RAD54L2: variants seen among roughly 807,000 people sequenced by gnomAD.
The protein encoded by RAD54L2 is helicase ARIP4.
In RAD54L2, 27 loss-of-function variants were observed where a neutral mutation model predicts 138.4. The observed-to-expected ratio is 0.20, with a 90% CI of 0.14 to 0.27. RAD54L2 has a LOEUF of 0.27. Among genes scored for constraint, RAD54L2 ranks in the 10% least tolerant of loss-of-function variants. RAD54L2 has a pLI of 1.00. For synonymous variants in RAD54L2, 644 were observed against 723.2 expected (o/e 0.89, Z 1.76); for missense variants, 1,396 against 1,890.2 (o/e 0.74, Z 4.85).
chr3:51,587,514 A>T (rs1699735441), intron 2 of RAD54L2, among the ~76,000 whole-genome samples: 1 of 152,172 alleles, frequency 6.6e-6, no homozygotes, highest in African/African-American at 2.4e-5. Flanking sequence ...CTGTCCCTTA[A>T]TGCCCTTTGC....
In RAD54L2 at chr3:51,627,574, G is replaced by T; in HGVS notation, c.161G>T (p.Cys54Phe). The T allele has an allele frequency of 1.3e-6, 2 of 1,552,780 alleles. No individual in the cohort carries two copies. The highest frequency in any genetic ancestry group is 1.7e-6 in the Non-Finnish European group (2 of 1,148,138). ...TCAGACCCATCCCTGGAAGGCATGT[G>T]TGGCACTGAGCATGCCCAGTTGGGA... ...LLDDPSLEGM[C>F]GTEHAQLGED... Residue 54 changes from cysteine (C) to phenylalanine (F), a missense_variant, in exon 4 of 23, where the codon TGT (cysteine) becomes TTT (phenylalanine). Cys to Phe is a radical substitution (Grantham distance 205). Around this residue, in one of 7 missense-constraint regions of RAD54L2, gnomAD observed 256 missense variants for 344.6 expected, o/e 0.74. Transcript: ENST00000684192.
At chr3:51,653,850 G>T (rs892178000) in intron 19 of RAD54L2, among the ~76,000 whole-genome samples, 1 of 152,128 alleles carries the variant, frequency 6.6e-6, no homozygotes, top group Non-Finnish European at 1.5e-5. Context: ...GTTAATGGGT[G>T]CAGCATACCA....
intron 3 of RAD54L2, among the ~76,000 whole-genome samples, chr3:51,610,233 G>A (rs2106756477): frequency 6.6e-6 from 1 of 152,302 alleles, no homozygotes; most frequent in African/African-American, 2.4e-5. Context: ...AGCCCTTAGG[G>A]AAGGGTCACA....
intron 21 of RAD54L2, among the ~76,000 whole-genome samples, chr3:51,659,646 T>A (rs762674102): frequency 2.0e-5 from 3 of 152,194 alleles, no homozygotes; most frequent in African/African-American, 7.2e-5. Context: ...CCTGGGAACA[T>A]AGGATTCCAA....
At chr3:51,603,239 T>C (rs182549403) in intron 3 of RAD54L2, among the ~76,000 whole-genome samples, 1 of 150,492 alleles carries the variant, frequency 6.6e-6, no homozygotes, top group African/African-American at 2.4e-5. Flanking sequence ...AGCCAGGAGG[T>C]TGAGGCTGTA....
chr3:51,588,009 A>AC (rs1210634543), intron 2 of RAD54L2, among the ~76,000 whole-genome samples: 6 of 151,130 alleles, frequency 4.0e-5, no homozygotes, highest in Non-Finnish European at 2.9e-5. Context: ...ACACGGTGAG[A>AC]CCCCGTCTCT....
At chr3:51,592,781 G>A (rs1281042051) in intron 3 of RAD54L2, among the ~76,000 whole-genome samples, 1 of 151,908 alleles carries the variant, frequency 6.6e-6, no homozygotes, top group African/African-American at 2.4e-5. Context: ...CACCATTTTG[G>A]CCAGGCTGGT....
chr3:51,606,746 T>C (rs560566456), intron 3 of RAD54L2, among the ~76,000 whole-genome samples: 32 of 152,124 alleles, frequency 2.1e-4, no homozygotes, highest in African/African-American at 7.2e-4. Flanking sequence ...GCAGTGGTGT[T>C]ATCTTGGCTC....
intron 19 of RAD54L2, among the ~76,000 whole-genome samples, chr3:51,646,692 G>A (rs1325258281): frequency 6.6e-6 from 1 of 152,206 alleles, no homozygotes; most frequent in Non-Finnish European, 1.5e-5. Context: ...AAAGTGAGCT[G>A]CTGGCCCGTG....
intron 19 of RAD54L2, among the ~76,000 whole-genome samples, chr3:51,646,904 T>G (rs1440343442): frequency 1.3e-5 from 2 of 152,210 alleles, no homozygotes; most frequent in Non-Finnish European, 2.9e-5. Context: ...GATTCCATTC[T>G]GTGTCTGTGC....
chr3:51,662,662 C>G lies in RAD54L2; in HGVS notation c.3646C>G (p.Pro1216Ala), dbSNP rs774028832. ...PAQLMDSSAVPGTALGTEPRL... is the reference protein window; with the variant it reads ...PAQLMDSSAVAGTALGTEPRL... Reference sequence around the variant, plus strand: ...CCAACTTATGGACAGCAGTGCTGTTCCCGGGACAGCTCTCGGAACTGAGCC... The same window carrying G: ...CCAACTTATGGACAGCAGTGCTGTTGCCGGGACAGCTCTCGGAACTGAGCC... The change falls in exon 23 of 23, where the codon CCC (proline) becomes GCC (alanine). Residue 1216 changes from proline (P) to alanine (A), a missense_variant. This residue lies in a region of RAD54L2 where 634 missense variants were observed against 711.2 expected (regional missense o/e 0.89). Coordinates refer to ENST00000684192, the MANE Select transcript of RAD54L2 (RefSeq NM_015106.4). The surrounding 1 kb of genome is among the most constrained non-coding windows in gnomAD (Gnocchi z 4.6). 6 of 1,613,412 alleles carry G rather than the reference C, an allele frequency of 3.7e-6. No homozygotes were observed. The highest frequency in any genetic ancestry group is 1.1e-5 in the South Asian group (1 of 90,958).
intron 2 of RAD54L2, among the ~76,000 whole-genome samples, chr3:51,569,045 G>C (rs972981939): frequency 6.6e-6 from 1 of 152,096 alleles, no homozygotes; most frequent in Non-Finnish European, 1.5e-5. Flanking sequence ...AGACAGAGAA[G>C]TTCCAGCAGG....
Position 51,639,464 on chromosome 3 carries a change from A to T in RAD54L2, c.1906A>T (p.Ser636Cys), listed in dbSNP as rs1279661807. 6.2e-7 allele frequency: 1 copy of T among 1,613,756 alleles called. No homozygotes were observed. Among genetic ancestry groups the T allele is most frequent in the African/African-American group, 1.3e-5 (1 of 74,846 alleles). ...GCTGTATGAAGCCCTTCAGAAGGAG[A>T]GCTTGGCCAATGAGCAGGACCTAGA... The part of the protein sequence containing the change: ...DVLYEALQKE[S>C]LANEQDLDVE... The change falls in exon 13 of 23, where the codon AGC becomes TGC. Residue 636 changes from serine (S) to cysteine (C), a missense_variant. Ser to Cys is a moderately radical substitution (Grantham distance 112). This residue lies in a region of RAD54L2 where 211 missense variants were observed against 273.8 expected (regional missense o/e 0.77). Coordinates refer to ENST00000684192, the MANE Select transcript of RAD54L2 (RefSeq NM_015106.4).
intron 3 of RAD54L2, among the ~76,000 whole-genome samples, chr3:51,595,101 A>G (rs897929321): frequency 3.9e-5 from 6 of 151,918 alleles, no homozygotes; most frequent in African/African-American, 1.5e-4. Flanking sequence ...CATGAACTCA[A>G]TTAATCCACA....
At chr3:51,544,091 C>G (rs1257640408) in intron 2 of RAD54L2, among the ~76,000 whole-genome samples, 1 of 152,044 alleles carries the variant, frequency 6.6e-6, no homozygotes, top group African/African-American at 2.4e-5. Flanking sequence ...TTTCCCATAC[C>G]TAGTTTATTA....
rs1208016571 is a variant in RAD54L2, at chr3:51,553,342, C to G, written c.-55+11692C>G. 2.6e-5 allele frequency among the ~76,000 whole-genome samples: 4 copies of G among 152,232 alleles called. No individual in the cohort carries two copies. The South Asian group carries it at 8.3e-4, about 32-fold the overall frequency. On this transcript the variant is annotated intron_variant, in intron 2 of 22. Coordinates refer to ENST00000684192, the MANE Select transcript of RAD54L2 (RefSeq NM_015106.4). ...CCACCCGCCTCCGCCTCCCAAAGTG[C>G]TGGGATTACAGGCGTGAGCCACTGC...
chr3:51,609,555 T>C (rs1202146604), intron 3 of RAD54L2, among the ~76,000 whole-genome samples: 2 of 152,234 alleles, frequency 1.3e-5, no homozygotes, highest in African/African-American at 2.4e-5. Context: ...ATTCTTTAAT[T>C]TGTGATTTTG....
intron 3 of RAD54L2, among the ~76,000 whole-genome samples, chr3:51,605,048 G>A (rs1018218716): frequency 1.9e-4 from 28 of 150,334 alleles, no homozygotes; most frequent in Admixed American, 2.6e-4. Flanking sequence ...TCAGCCTCCC[G>A]AGAAGCTGGG....
Position 51,643,875 on chromosome 3 carries a change from G to T in RAD54L2, c.2351G>T (p.Arg784Leu). 1 of 1,601,352 alleles carries T rather than the reference G, an allele frequency of 6.2e-7. No homozygotes were observed. Among genetic ancestry groups the T allele is most frequent in the South Asian group, 1.1e-5 (1 of 88,498 alleles). ...GCTTATGGTTTTCCTTCCTTCCTAG[G>T]GCTAGATGGTAGCACCCCTGCCTTT... ...QKWVRNISYF[R>L]LDGSTPAFER... The change falls in exon 16 of 23, where the codon CGG becomes CTG. Residue 784 changes from arginine to leucine, a missense_variant and splice_region_variant. Coordinates refer to ENST00000684192, the MANE Select transcript of RAD54L2 (RefSeq NM_015106.4).
Sources: gnomAD v4.1 joint callset for allele counts (sites outside exome capture counted in the v4.1 genomes callset) on GRCh38, gnomAD v4.1.1 for gene constraint, gnomAD v4.1.1 regional missense constraint, Gnocchi (gnomAD v3.1) non-coding constraint, MANE v1.5 for transcripts, NCBI Gene and HGNC (gene_info 2026-07-23, HGNC 2026-07-21) for gene names.